STAC: variants seen among roughly 807,000 people sequenced by gnomAD.
STAC encodes SH3 and cysteine-rich domain-containing protein.
A neutral mutation model predicts 48.8 loss-of-function variants in STAC; 43 were observed. The observed-to-expected ratio is 0.88, with a 90% CI of 0.69 to 1.14. The LOEUF (loss-of-function observed/expected upper bound fraction) is 1.14. STAC is among the 50% of genes most tolerant of loss of function. STAC has a pLI of 0.00. For synonymous variants in STAC, 193 were observed against 179.5 expected (o/e 1.07, Z -0.60); for missense variants, 497 against 504.0 (o/e 0.99, Z 0.13).
intron 8 of STAC, among the ~76,000 whole-genome samples, chr3:36,507,507 T>C (rs985280564): frequency 2.0e-5 from 3 of 152,254 alleles, no homozygotes; most frequent in African/African-American, 7.2e-5. Context: ...AGCTAGTCTT[T>C]GTACCTCTGG....
chr3:36,410,841 A>G (rs2125634629), intron 1 of STAC, among the ~76,000 whole-genome samples: 1 of 152,298 alleles, frequency 6.6e-6, no homozygotes, highest in South Asian at 2.1e-4. Flanking sequence ...ACTTAGTTCA[A>G]TCTGGTGCCT....
chr3:36,385,120 C>T (rs1699589553), intron 1 of STAC, among the ~76,000 whole-genome samples: 1 of 152,040 alleles, frequency 6.6e-6, no homozygotes, highest in South Asian at 2.1e-4. Context: ...TATACAGATG[C>T]CCACTGAAAA....
chr3:36,545,170 T>C (rs1469742926), intron 10 of STAC, among the ~76,000 whole-genome samples: 1 of 152,194 alleles, frequency 6.6e-6, no homozygotes, highest in Non-Finnish European at 1.5e-5. Flanking sequence ...GGACCCTCTC[T>C]CCTGGAAGGT....
chr3:36,479,029 G>A lies in STAC; in HGVS notation c.389-3963G>A, dbSNP rs76950282. Among the ~76,000 whole-genome samples the A allele has an allele frequency of 4.2e-3, 644 of 152,226 alleles. 2 individuals are homozygous for A. The highest frequency in any genetic ancestry group is 0.015 in the African/African-American group (620 of 41,550). On this transcript the variant is annotated intron_variant, in intron 2 of 10. Transcript: ENST00000273183. ...TACAGAGTTATCATAGTGGGATACCGCTTACCTTTCCTCAGTGTCAGTTGT... is the reference window on the plus strand; with the variant it reads ...TACAGAGTTATCATAGTGGGATACCACTTACCTTTCCTCAGTGTCAGTTGT...
At chr3:36,514,849 A>G (rs1232594384) in intron 8 of STAC, among the ~76,000 whole-genome samples, 1 of 152,118 alleles carries the variant, frequency 6.6e-6, no homozygotes, top group Non-Finnish European at 1.5e-5. Context: ...AGTCTGGACA[A>G]CATGGTGACA....
At position 36,472,550 on chromosome 3, in the gene STAC, A is replaced by G. The variant is rs1214694208; in HGVS notation, c.389-10442A>G. 2.6e-5 allele frequency among the ~76,000 whole-genome samples: 4 copies of G among 152,372 alleles called. No homozygotes were observed. In the East Asian group the frequency reaches 7.7e-4, roughly 29 times the overall value. ...CCTTTTAAAACTGAATGCTTTTAAC[A>G]GCACCCAAGTCACCTCTTGAATGCT... is the stretch of plus-strand genomic sequence containing the variant. On this transcript the variant is annotated intron_variant, in intron 2 of 10. Coordinates refer to ENST00000273183, the MANE Select transcript of STAC (RefSeq NM_003149.3).
intron 7 of STAC, among the ~76,000 whole-genome samples, chr3:36,504,748 T>C (rs575292911): frequency 1.9e-3 from 286 of 152,194 alleles, no homozygotes; most frequent in African/African-American, 6.5e-3. Context: ...ATATGTCATA[T>C]TTTATGTTCA....
intron 5 of STAC, 125 bp downstream of exon 5, chr3:36,486,374 C>T: frequency 1.3e-6 from 1 of 755,566 alleles, no homozygotes; most frequent in East Asian, 2.9e-5. Flanking sequence ...GAGTCAGGCA[C>T]CTGCCAAAGA....
intron 2 of STAC, among the ~76,000 whole-genome samples, chr3:36,460,176 T>G (rs1197298327): frequency 1.3e-5 from 2 of 152,076 alleles, no homozygotes; most frequent in Admixed American, 1.3e-4. Context: ...ATTCTTGCCC[T>G]ATAGCCTTAG....
At chr3:36,501,343 A>T (rs796495162) in intron 6 of STAC, among the ~76,000 whole-genome samples, 25 of 152,300 alleles carry the variant, frequency 1.6e-4, no homozygotes, top group African/African-American at 5.8e-4. Flanking sequence ...AATAAAGACA[A>T]GAGCAGAAAT....
At position 36,380,759 on chromosome 3, in the gene STAC, C is replaced by T. The variant is rs773477261; in HGVS notation, c.111+5C>T. On this transcript the variant is annotated splice_donor_5th_base_variant and intron_variant, in intron 1 of 10. Coordinates refer to ENST00000273183, the MANE Select transcript of STAC (RefSeq NM_003149.3). Reference sequence around the variant, plus strand: ...ACCAGCAGCCAGGAATCCAAGGTACCGAGCACGCTTGCCCCCAAGAGAACA... The same window carrying T: ...ACCAGCAGCCAGGAATCCAAGGTACTGAGCACGCTTGCCCCCAAGAGAACA... 3 of 1,605,304 alleles carry T rather than the reference C, an allele frequency of 1.9e-6. No homozygotes were observed. Among genetic ancestry groups the T allele is most frequent in the African/African-American group, 1.3e-5 (1 of 74,616 alleles).
At chr3:36,391,643 T>C (rs1336645247) in intron 1 of STAC, among the ~76,000 whole-genome samples, 1 of 152,300 alleles carries the variant, frequency 6.6e-6, no homozygotes, top group East Asian at 1.9e-4. Flanking sequence ...AGAAGCATCA[T>C]CCATGGTGTC....
At chr3:36,466,063 G>A (rs568382199) in intron 2 of STAC, among the ~76,000 whole-genome samples, 1 of 152,230 alleles carries the variant, frequency 6.6e-6, no homozygotes, top group East Asian at 1.9e-4. Flanking sequence ...TCCATCTTAA[G>A]TTGATTTTTG....
At chr3:36,385,240 T>C (rs905871577) in intron 1 of STAC, among the ~76,000 whole-genome samples, 1 of 152,192 alleles carries the variant, frequency 6.6e-6, no homozygotes, top group Non-Finnish European at 1.5e-5. Context: ...ATATTGAAGA[T>C]AGCCTAATAT....
intron 2 of STAC, among the ~76,000 whole-genome samples, chr3:36,463,582 T>C (rs1215468436): frequency 6.6e-6 from 1 of 151,864 alleles, no homozygotes; most frequent in Non-Finnish European, 1.5e-5. Flanking sequence ...GTTACATATA[T>C]ATACATGTGC....
At chr3:36,423,182 A>G (rs1168366581) in intron 1 of STAC, among the ~76,000 whole-genome samples, 2 of 152,108 alleles carry the variant, frequency 1.3e-5, no homozygotes, top group African/African-American at 4.8e-5. Context: ...GTAGGCATAT[A>G]CACAGGCTTA....
At chr3:36,444,562 G>A (rs775474096) in intron 2 of STAC, among the ~76,000 whole-genome samples, 5 of 152,186 alleles carry the variant, frequency 3.3e-5, no homozygotes, top group African/African-American at 7.2e-5. Flanking sequence ...GCCTTGGGCC[G>A]GAGGTGGCAC....
intron 2 of STAC, among the ~76,000 whole-genome samples, chr3:36,455,632 C>T (rs563127677): frequency 6.6e-6 from 1 of 152,318 alleles, no homozygotes; most frequent in African/African-American, 2.4e-5. Flanking sequence ...GCTCCACTGA[C>T]CTACTTTAGA....
At chr3:36,415,441 C>T (rs1233906031) in intron 1 of STAC, among the ~76,000 whole-genome samples, 1 of 152,196 alleles carries the variant, frequency 6.6e-6, no homozygotes, top group Middle Eastern at 3.2e-3. Context: ...ATGAGCAAGG[C>T]TCCGTGGGCG....
Sources: allele counts gnomAD v4.1 joint callset (sites outside exome capture counted in the v4.1 genomes callset), GRCh38; gene constraint gnomAD v4.1.1; transcripts MANE v1.5; gene names NCBI Gene and HGNC (gene_info 2026-07-23, HGNC 2026-07-21).